SUCLG2: variants seen among roughly 807,000 people sequenced by gnomAD.
The protein encoded by SUCLG2 is succinate--CoA ligase [GDP-forming] subunit beta, mitochondrial.
SUCLG2 carries 42 observed loss-of-function variants against 47.9 expected under a neutral mutation model. That is an observed-to-expected ratio of 0.88 (90% CI 0.69 to 1.14). The LOEUF (loss-of-function observed/expected upper bound fraction) is 1.14. Ranked by LOEUF, SUCLG2 falls within the 50% of genes most tolerant of loss-of-function variation. The probability of loss-of-function intolerance (pLI) is 0.00; values close to 1 mark genes in which losing one functional copy is unlikely to be tolerated. For synonymous variants in SUCLG2, 195 were observed against 197.3 expected, an observed-to-expected ratio of 0.99 and a Z score of 0.10; for missense variants, 571 against 525.9, an observed-to-expected ratio of 1.09 and a Z score of -0.84.
chr3:67,502,279 G>GT (rs1687228699), intron 7 of SUCLG2, among the ~76,000 whole-genome samples: 1 of 152,166 alleles, frequency 6.6e-6, no homozygotes, highest in Non-Finnish European at 1.5e-5. Flanking sequence ...AAAAATGTTT[G>GT]TTTTTCCCTA....
chr3:67,539,601 T>C (rs1706644519), intron 2 of SUCLG2, among the ~76,000 whole-genome samples: 1 of 152,208 alleles, frequency 6.6e-6, no homozygotes, highest in African/African-American at 2.4e-5. Context: ...AGTCCCTCCT[T>C]TTCTATTGTT....
At chr3:67,414,564 T>G (rs1051666911) in intron 9 of SUCLG2, among the ~76,000 whole-genome samples, 1 of 152,222 alleles carries the variant, frequency 6.6e-6, no homozygotes, top group Non-Finnish European at 1.5e-5. Flanking sequence ...ATGGGGCAGT[T>G]GCTACACAAT....
intron 2 of SUCLG2, among the ~76,000 whole-genome samples, chr3:67,548,691 GA>G (rs1391957298): frequency 6.6e-6 from 1 of 152,114 alleles, no homozygotes; most frequent in East Asian, 1.9e-4. Flanking sequence ...TATTGTTTCT[GA>G]GAACATATTA....
At chr3:67,443,454 G>A in intron 9 of SUCLG2, among the ~76,000 whole-genome samples, 1 of 75,530 alleles carries the variant, frequency 1.3e-5, no homozygotes, top group Non-Finnish European at 3.0e-5. Context: ...CGAGATTGCA[G>A]CCTCTGCCCG....
downstream of SUCLG2, among the ~76,000 whole-genome samples, chr3:67,370,189 T>C (rs1701934170): frequency 6.6e-6 from 1 of 152,224 alleles, no homozygotes; most frequent in African/African-American, 2.4e-5. Flanking sequence ...TAAAGGGTTC[T>C]TATTTAACTG....
intron 9 of SUCLG2, among the ~76,000 whole-genome samples, chr3:67,464,024 G>T (rs1399902787): frequency 6.6e-6 from 1 of 152,214 alleles, no homozygotes; most frequent in East Asian, 1.9e-4. Context: ...TGCATTTGAA[G>T]CAATTTTCTC....
Position 67,495,811 on chromosome 3 carries a change from G to T in SUCLG2, c.1049C>A (p.Thr350Lys). 6.2e-7 allele frequency: 1 copy of T among 1,613,894 alleles called. No individual in the cohort carries two copies. The highest frequency in any genetic ancestry group is 8.5e-7 in the Non-Finnish European group (1 of 1,179,946). ...AQVYQAFKLLTADPKVEAILV... is the reference protein window; with the variant it reads ...AQVYQAFKLLKADPKVEAILV... ...GAGAAAGGTTACCTTAGGATCAGCT[G>T]TGAGCAATTTGAATGCTTGATATAC... The change falls in exon 9 of 11, where the codon ACA (threonine) becomes AAA (lysine). Residue 350 changes from threonine (T) to lysine (K), a missense_variant. Physicochemically the swap from Thr to Lys is moderately conservative, Grantham distance 78. Coordinates refer to ENST00000307227, the MANE Select transcript of SUCLG2 (RefSeq NM_003848.4).
At chr3:67,430,931 A>T (rs1703463345) in intron 9 of SUCLG2, among the ~76,000 whole-genome samples, 1 of 152,204 alleles carries the variant, frequency 6.6e-6, no homozygotes, top group African/African-American at 2.4e-5. Context: ...ATAGACCAAT[A>T]ACAGGCTCTG....
chr3:67,486,404 T>C (rs1705054195), intron 9 of SUCLG2, among the ~76,000 whole-genome samples: 1 of 152,202 alleles, frequency 6.6e-6, no homozygotes, highest in Admixed American at 6.5e-5. Flanking sequence ...TTATCCACAG[T>C]AGTTATGGTC....
chr3:67,616,765 G>C (rs1354517727), intron 1 of SUCLG2, among the ~76,000 whole-genome samples: 3 of 152,224 alleles, frequency 2.0e-5, no homozygotes, highest in African/African-American at 7.2e-5. Context: ...AATCGAGGTG[G>C]GTGAGCAAAA....
At chr3:67,391,759 A>G (rs1405205800) in intron 10 of SUCLG2, among the ~76,000 whole-genome samples, 1 of 152,218 alleles carries the variant, frequency 6.6e-6, no homozygotes. Flanking sequence ...GATCCCCAGC[A>G]GAGCCAAGGT....
At chr3:67,457,150 T>G (rs1704206213) in intron 9 of SUCLG2, among the ~76,000 whole-genome samples, 2 of 102,482 alleles carry the variant, frequency 2.0e-5, no homozygotes, top group South Asian at 6.2e-4. Flanking sequence ...AGAATGGTCC[T>G]TCCTCTCTCC....
At chr3:67,489,166 T>G (rs181278430) in intron 9 of SUCLG2, among the ~76,000 whole-genome samples, 17 of 152,274 alleles carry the variant, frequency 1.1e-4, no homozygotes, top group South Asian at 2.1e-4. Context: ...ACCCACTTAT[T>G]ACTGAGAAGT....
chr3:67,360,489 A>G, exon 11 of SUCLG2: 1 of 818,986 alleles, frequency 1.2e-6, no homozygotes, highest in Non-Finnish European at 1.8e-6. Context: ...TTTTTGGTGA[A>G]TGAACAGCTA....
At chr3:67,462,352 G>T (rs1190860495) in intron 9 of SUCLG2, among the ~76,000 whole-genome samples, 1 of 152,148 alleles carries the variant, frequency 6.6e-6, no homozygotes, top group Non-Finnish European at 1.5e-5. Context: ...GCACAGAGAG[G>T]CCAAGAAGCA....
chr3:67,468,668 T>C (rs538548589), intron 9 of SUCLG2, among the ~76,000 whole-genome samples: 4 of 152,206 alleles, frequency 2.6e-5, no homozygotes, highest in South Asian at 2.1e-4. Flanking sequence ...TCCAGCCCAA[T>C]TGAGTCATCA....
chr3:67,634,987 G>A (rs780338024), intron 1 of SUCLG2, among the ~76,000 whole-genome samples: 2 of 152,156 alleles, frequency 1.3e-5, no homozygotes, highest in African/African-American at 4.8e-5. Flanking sequence ...TAATAAACAG[G>A]ATTGCTAGGA....
intron 9 of SUCLG2, among the ~76,000 whole-genome samples, chr3:67,471,978 G>C (rs985111304): frequency 6.7e-6 from 1 of 148,294 alleles, no homozygotes; most frequent in Non-Finnish European, 1.5e-5. Flanking sequence ...CCTATGTTTA[G>C]AGTCCTTAAT....
chr3:67,401,005 T>C (rs1213670300), intron 9 of SUCLG2, among the ~76,000 whole-genome samples, 154 bp from the exon 10 acceptor site: 2 of 152,214 alleles, frequency 1.3e-5, no homozygotes, highest in Non-Finnish European at 1.5e-5. Context: ...GCCCAGAACA[T>C]GTTAAGAAAG....
Sources: allele counts gnomAD v4.1 joint callset (sites outside exome capture counted in the v4.1 genomes callset), GRCh38; gene constraint gnomAD v4.1.1; transcripts MANE v1.5; gene names NCBI Gene and HGNC (gene_info 2026-07-23, HGNC 2026-07-21).